The following ENOX1 variants were observed in gnomAD, a reference collection of about 807,000 sequenced individuals.
The protein encoded by ENOX1 is ecto-NOX disulfide-thiol exchanger 1.
ENOX1 carries 42 observed loss-of-function variants against 82.5 expected under a neutral mutation model. The ratio of observed to expected loss-of-function variants is 0.51; its 90% confidence interval spans 0.40 to 0.66. The LOEUF (loss-of-function observed/expected upper bound fraction) is 0.66, where lower values mean the gene tolerates loss of function less well. ENOX1 is among the 30% of genes least tolerant of loss of function. The pLI, the probability that ENOX1 is intolerant of heterozygous loss-of-function variation, is 0.00. For missense variants in ENOX1, 608 were observed against 811.6 expected (o/e 0.75, Z 3.05); for synonymous variants, 271 against 282.2 (o/e 0.96, Z 0.40).
At position 43,256,583 on chromosome 13, in the gene ENOX1, G is replaced by A. The variant is rs114914576; in HGVS notation, c.1611+8815C>T. ...AAAGATGAACATCACTAATTATCAG[G>A]GAAATGCAAATCAAAACCACAGTGA... On this transcript the variant is annotated intron_variant, in intron 14 of 16. Coordinates refer to ENST00000690772, the MANE Select transcript of ENOX1 (RefSeq NM_001347969.2). Among the ~76,000 whole-genome samples, 265 of 152,138 alleles carry A rather than the reference G, an allele frequency of 1.7e-3. 1 individual carries two copies. The highest frequency in any genetic ancestry group is 6.2e-3 in the African/African-American group (257 of 41,508).
chr13:43,327,289 G>C (rs2048167628), intron 9 of ENOX1, among the ~76,000 whole-genome samples: 1 of 152,068 alleles, frequency 6.6e-6, no homozygotes, highest in Non-Finnish European at 1.5e-5. Flanking sequence ...CTTTCACAAG[G>C]CTCCCCGCCC....
intron 11 of ENOX1, among the ~76,000 whole-genome samples, chr13:43,310,554 C>G (rs541154773): frequency 1.3e-5 from 2 of 152,242 alleles, no homozygotes; most frequent in East Asian, 3.9e-4. Flanking sequence ...GTAGTTTCAT[C>G]TAAAGTGCTT....
At chr13:43,665,601 T>C (rs1214221862) in intron 2 of ENOX1, among the ~76,000 whole-genome samples, 1 of 151,912 alleles carries the variant, frequency 6.6e-6, no homozygotes, top group Non-Finnish European at 1.5e-5. Context: ...TGGAAAGATA[T>C]CTTGATATAC....
chr13:43,503,099 A>G (rs1037943797), intron 2 of ENOX1, among the ~76,000 whole-genome samples: 4 of 151,652 alleles, frequency 2.6e-5, no homozygotes, highest in African/African-American at 9.7e-5. Context: ...AGGAAATTAA[A>G]ACAATCCCAT....
intron 2 of ENOX1, among the ~76,000 whole-genome samples, chr13:43,608,282 C>T (rs2082055259): frequency 6.6e-6 from 1 of 152,032 alleles, no homozygotes; most frequent in Admixed American, 6.6e-5. Context: ...GACTTTTTCC[C>T]CGAAACTGAA....
chr13:43,450,345 G>C (rs141000179), intron 3 of ENOX1, among the ~76,000 whole-genome samples: 19 of 152,296 alleles, frequency 1.2e-4, no homozygotes, highest in African/African-American at 4.1e-4. Context: ...GTTTACAAAG[G>C]CAGCTTTTTA....
In ENOX1 at chr13:43,631,774, G is replaced by A. The variant is rs187688246; in HGVS notation, c.-219+35705C>T. ...TATTGTTTTACCACATTATCTGATC[G>A]TGATGCTTCATCTCTGATCACATGT... On this transcript the variant is annotated intron_variant, in intron 2 of 16. Coordinates refer to ENST00000690772, the MANE Select transcript of ENOX1 (RefSeq NM_001347969.2). Among the ~76,000 whole-genome samples, 20 of 151,902 alleles carry A rather than the reference G, an allele frequency of 1.3e-4. No homozygotes were observed. In the East Asian group the frequency reaches 2.5e-3, roughly 19 times the overall value.
chr13:43,398,658 A>T (rs923486433), intron 5 of ENOX1, among the ~76,000 whole-genome samples: 2 of 151,870 alleles, frequency 1.3e-5, no homozygotes, highest in African/African-American at 4.8e-5. Context: ...TCCACCTCTG[A>T]CACCCCTGAG....
At chr13:43,752,901 C>T (rs1324660239) in intron 1 of ENOX1, among the ~76,000 whole-genome samples, 1 of 151,984 alleles carries the variant, frequency 6.6e-6, no homozygotes, top group Non-Finnish European at 1.5e-5. Context: ...ACTCTCTCAC[C>T]CAGAATGGAG....
At chr13:43,427,102 G>A (rs970555336) in intron 3 of ENOX1, among the ~76,000 whole-genome samples, 2 of 152,146 alleles carry the variant, frequency 1.3e-5, no homozygotes, top group African/African-American at 4.8e-5. Flanking sequence ...ACACTAGAGA[G>A]GTGGGGATTT....
At chr13:43,273,166 C>T (rs931543565) in intron 12 of ENOX1, among the ~76,000 whole-genome samples, 4 of 152,280 alleles carry the variant, frequency 2.6e-5, no homozygotes, top group South Asian at 4.1e-4. Flanking sequence ...CCAGTCTAAA[C>T]GTCTTTCCCT....
At chr13:43,357,613 C>A (rs571718415) in intron 7 of ENOX1, among the ~76,000 whole-genome samples, 2 of 152,138 alleles carry the variant, frequency 1.3e-5, no homozygotes, top group Non-Finnish European at 2.9e-5. Flanking sequence ...GCTGAGCAGG[C>A]AGGACTGTTT....
At chr13:43,726,215 C>CTTTTT (rs112974839) in intron 1 of ENOX1, among the ~76,000 whole-genome samples, 1 of 135,496 alleles carries the variant, frequency 7.4e-6, no homozygotes, top group Non-Finnish European at 1.6e-5. Context: ...AATTTTTCAT[C>CTTTTT]TTTTTTTTTT....
At position 43,506,686 on chromosome 13, in the gene ENOX1, G is replaced by C. The variant is rs1343556875; in HGVS notation, c.-218-22534C>G. Among the ~76,000 whole-genome samples, 10 of 134,548 alleles carry C rather than the reference G, an allele frequency of 7.4e-5. No homozygotes were observed. In the South Asian group the frequency reaches 2.3e-3, roughly 31 times the overall value. The allele number at this position is 134,548 out of a possible 152,430, so 88.3% of individuals were successfully genotyped here. A position where few individuals can be genotyped will look rare whatever the true frequency, so the allele number is the denominator to read the frequency against. On this transcript the variant is annotated intron_variant, in intron 2 of 16. Coordinates refer to ENST00000690772, the MANE Select transcript of ENOX1 (RefSeq NM_001347969.2). ...AAATGATGAGTTCATGTCCTTTGTAGGGACATGGATGAAGCTGGAAACCAT... is the reference window on the plus strand; with the variant it reads ...AAATGATGAGTTCATGTCCTTTGTACGGACATGGATGAAGCTGGAAACCAT...
At chr13:43,780,160 CAA>C (rs775373870) in intron 1 of ENOX1, among the ~76,000 whole-genome samples, 1 of 96,080 alleles carries the variant, frequency 1.0e-5, no homozygotes, top group Admixed American at 1.2e-4. Flanking sequence ...GACTCTGTCT[CAA>C]AAAAAAAAAG....
chr13:43,579,049 CCTT>C (rs1273412949), intron 2 of ENOX1, among the ~76,000 whole-genome samples: 3 of 151,410 alleles, frequency 2.0e-5, no homozygotes, highest in Non-Finnish European at 4.4e-5. Flanking sequence ...AGCTACTTAA[CCTT>C]CTTATGACTT....
intron 12 of ENOX1, among the ~76,000 whole-genome samples, chr13:43,277,458 T>C (rs995262206): frequency 6.6e-6 from 1 of 152,198 alleles, no homozygotes; most frequent in African/African-American, 2.4e-5. Context: ...ATCATTACTC[T>C]GGGAGCCTGG....
chr13:43,322,202 T>TAAATCA (rs1346304945), intron 11 of ENOX1, among the ~76,000 whole-genome samples, 182 bp downstream of exon 11: 4 of 152,218 alleles, frequency 2.6e-5, no homozygotes, highest in African/African-American at 9.7e-5. Context: ...TGGAGCAATT[T>TAAATCA]AAATCACTCT....
At chr13:43,419,046 C>T (rs1253499107) in intron 3 of ENOX1, among the ~76,000 whole-genome samples, 6 of 151,856 alleles carry the variant, frequency 4.0e-5, no homozygotes, top group African/African-American at 9.7e-5. Context: ...GGTATGGTGG[C>T]GGGTGCCTGT....
Sources: allele counts gnomAD v4.1 joint callset (sites outside exome capture counted in the v4.1 genomes callset), GRCh38; gene constraint gnomAD v4.1.1; transcripts MANE v1.5; gene names NCBI Gene and HGNC (gene_info 2026-07-23, HGNC 2026-07-21).